HMOX2: variants seen among roughly 807,000 people sequenced by gnomAD.
HMOX2 encodes the protein heme oxygenase (decycling) 2.
A neutral mutation model predicts 33.7 loss-of-function variants in HMOX2; 30 were observed. The observed-to-expected ratio is 0.89, with a 90% CI of 0.67 to 1.21. HMOX2 has a LOEUF of 1.21. Among genes scored for constraint, HMOX2 ranks in the 50% most tolerant of loss-of-function variants. HMOX2 has a pLI of 0.00. For synonymous variants in HMOX2, 155 were observed against 155.0 expected (o/e 1.00, Z 0.00); for missense variants, 403 against 399.1 (o/e 1.01, Z -0.08).
intron 1 of HMOX2, among the ~76,000 whole-genome samples, chr16:4,505,272 C>T (rs2058662036): frequency 6.6e-6 from 1 of 152,204 alleles, no homozygotes. Context: ...AATGTCAATA[C>T]AATGCTATTA....
At chr16:4,499,418 A>G (rs939154244) in intron 1 of HMOX2, among the ~76,000 whole-genome samples, 1 of 152,222 alleles carries the variant, frequency 6.6e-6, no homozygotes, top group African/African-American at 2.4e-5. Context: ...AGAAAGACAA[A>G]TGGTGCATGA....
intron 1 of HMOX2, among the ~76,000 whole-genome samples, chr16:4,493,964 G>A (rs2058359546): frequency 6.6e-6 from 1 of 152,186 alleles, no homozygotes; most frequent in Non-Finnish European, 1.5e-5. Context: ...TTACAGCCAA[G>A]TGACAGTTGT....
At chr16:4,485,755 G>T (rs1328146919) in intron 1 of HMOX2, among the ~76,000 whole-genome samples, 1 of 151,952 alleles carries the variant, frequency 6.6e-6, no homozygotes, top group Non-Finnish European at 1.5e-5. Flanking sequence ...GAGAAGTCTC[G>T]CTCTTGTCCC....
At chr16:4,509,230 C>T (rs192877918) in intron 4 of HMOX2, among the ~76,000 whole-genome samples, 182 bp from the exon 5 acceptor site, 5 of 152,128 alleles carry the variant, frequency 3.3e-5, no homozygotes, top group South Asian at 2.1e-4. Flanking sequence ...GGTACACACA[C>T]GTAGGAGGAT....
Position 4,509,542 on chromosome 16 carries a change from G to A in HMOX2, c.823+4G>A, listed in dbSNP as rs1421814737. 6.2e-7 allele frequency: 1 copy of A among 1,614,156 alleles called. No homozygotes were observed. Among genetic ancestry groups the A allele is most frequent in the Non-Finnish European group, 8.5e-7 (1 of 1,180,022 alleles). On this transcript the variant is annotated splice_donor_region_variant and intron_variant, in intron 5 of 5. Transcript: ENST00000570646. The stretch of plus-strand genomic sequence containing the variant: ...TACGCTGCTGAACAAGACAAAGGTA[G>A]GTCTGTGTGTCCTGAGCTCCCCTCC...
At chr16:4,483,123 T>A (rs985119304) in intron 1 of HMOX2, among the ~76,000 whole-genome samples, 8 of 151,748 alleles carry the variant, frequency 5.3e-5, no homozygotes, top group Non-Finnish European at 8.8e-5. Context: ...TCTGGAACTT[T>A]CGTGTATTCA....
At chr16:4,482,041 A>C (rs2058044799) in intron 1 of HMOX2, among the ~76,000 whole-genome samples, 1 of 152,168 alleles carries the variant, frequency 6.6e-6, no homozygotes, top group Admixed American at 6.5e-5. Flanking sequence ...TCTTCTTTTT[A>C]TGTAGGAAGG....
intron 1 of HMOX2, among the ~76,000 whole-genome samples, chr16:4,499,317 T>C (rs2058502494): frequency 6.6e-6 from 1 of 152,224 alleles, no homozygotes; most frequent in African/African-American, 2.4e-5. Flanking sequence ...GATGGAATAC[T>C]ACTCAACCAT....
At chr16:4,478,546 A>G (rs146839749) in intron 1 of HMOX2, among the ~76,000 whole-genome samples, 6 of 150,554 alleles carry the variant, frequency 4.0e-5, no homozygotes, top group African/African-American at 1.5e-4. Context: ...AGGTCGGGAG[A>G]TAGAGACCAG....
chr16:4,486,769 G>A (rs1037269438), intron 1 of HMOX2, among the ~76,000 whole-genome samples: 4 of 152,200 alleles, frequency 2.6e-5, no homozygotes, highest in African/African-American at 9.7e-5. Context: ...GGAAATGGTA[G>A]CCAGCAAATG....
At chr16:4,485,628 C>T (rs996238990) in intron 1 of HMOX2, among the ~76,000 whole-genome samples, 1 of 152,172 alleles carries the variant, frequency 6.6e-6, no homozygotes, top group Non-Finnish European at 1.5e-5. Context: ...TTAGAGCACT[C>T]AGGGTCTTAC....
At chr16:4,496,018 G>C (rs1217572769) in intron 1 of HMOX2, 1 of 152,182 alleles carries the variant, frequency 6.6e-6, no homozygotes, top group Non-Finnish European at 1.5e-5. Flanking sequence ...TGTAATTTGA[G>C]TGAGCCAAGG....
chr16:4,507,133 A>G (rs2058714012), intron 3 of HMOX2, 121 bp downstream of exon 3: 1 of 716,348 alleles, frequency 1.4e-6, no homozygotes, highest in African/African-American at 1.8e-5. Context: ...TCCACACTCC[A>G]TTCCTTCTTG....
intron 1 of HMOX2, among the ~76,000 whole-genome samples, chr16:4,498,556 G>A (rs746034028): frequency 2.0e-5 from 3 of 151,782 alleles, no homozygotes; most frequent in Admixed American, 6.6e-5. Flanking sequence ...TTTATTTTTC[G>A]TAGAGACAAG....
In HMOX2 at chr16:4,477,467, C is replaced by G. The variant is rs187539210; in HGVS notation, c.-42+980C>G. On this transcript the variant is annotated intron_variant, in intron 1 of 5. Coordinates refer to ENST00000570646, the MANE Select transcript of HMOX2 (RefSeq NM_002134.4). ...TGAGCCGAGATCACGCCATTGCACT[C>G]CAGCCTGGGCGACAGAGCAAGACTC... 1.7e-3 allele frequency among the ~76,000 whole-genome samples: 251 copies of G among 146,154 alleles called. 4 individuals carry two copies. The highest frequency in any genetic ancestry group is 6.2e-3 in the African/African-American group (243 of 39,328).
intron 2 of HMOX2, 90 bp from the exon 3 acceptor site, chr16:4,506,805 T>TGG (rs2058704353): frequency 1.1e-6 from 1 of 905,108 alleles, no homozygotes; most frequent in Non-Finnish European, 1.8e-6. Context: ...GTGGTCACCT[T>TGG]GGGGTGTGGA....
At chr16:4,502,101 T>G (rs2058573625) in intron 1 of HMOX2, among the ~76,000 whole-genome samples, 1 of 152,240 alleles carries the variant, frequency 6.6e-6, no homozygotes, top group South Asian at 2.1e-4. Context: ...ATTTTTGTAT[T>G]TCTAGTAGAG....
chr16:4,505,944 C>G (rs1415669933), intron 2 of HMOX2, among the ~76,000 whole-genome samples: 1 of 152,200 alleles, frequency 6.6e-6, no homozygotes, highest in Non-Finnish European at 1.5e-5. Flanking sequence ...TGGCTCTGTT[C>G]AGTCTTTTAC....
At chr16:4,475,532 G>T (rs2057796524), upstream of HMOX2, among the ~76,000 whole-genome samples, 1 of 151,278 alleles carries the variant, frequency 6.6e-6, no homozygotes, top group Non-Finnish European at 1.5e-5. Context: ...GGCTGGTCTC[G>T]AACTGCTGAC....
Sources: allele counts gnomAD v4.1 joint callset (sites outside exome capture counted in the v4.1 genomes callset), GRCh38; gene constraint gnomAD v4.1.1; transcripts MANE v1.5; gene names NCBI Gene and HGNC (gene_info 2026-07-23, HGNC 2026-07-21).